ADAMTS2: variants seen among roughly 807,000 people sequenced by gnomAD.
ADAMTS2 encodes the protein A disintegrin and metalloproteinase with thrombospondin motifs 2.
Under a neutral mutation model 123.0 loss-of-function variants are expected in ADAMTS2, and 50 were observed. The observed-to-expected ratio is 0.41, with a 90% confidence interval of 0.32 to 0.51. ADAMTS2 has a LOEUF of 0.51. Among genes scored for constraint, ADAMTS2 ranks in the 20% least tolerant of loss-of-function variants. The pLI is 0.35. For missense variants in ADAMTS2, 1,494 were observed against 1,705.2 expected (o/e 0.88, Z 2.18); for synonymous variants, 678 against 695.4 (o/e 0.98, Z 0.39).
At chr5:179,252,014 T>C (rs982326160) in intron 3 of ADAMTS2, among the ~76,000 whole-genome samples, 8 of 150,696 alleles carry the variant, frequency 5.3e-5, no homozygotes, top group African/African-American at 9.8e-5. Context: ...CTTTTCTTTT[T>C]TTTTTTTTTT....
chr5:179,299,530 A>AACGCACACACACAC (rs1756449438), intron 2 of ADAMTS2, among the ~76,000 whole-genome samples: 1 of 120,440 alleles, frequency 8.3e-6, no homozygotes, highest in Admixed American at 8.9e-5. Flanking sequence ...CTCCAACTCA[A>AACGCACACACACAC]ACACACACAC....
intron 4 of ADAMTS2, among the ~76,000 whole-genome samples, chr5:179,184,179 C>T (rs980588965): frequency 6.6e-6 from 1 of 152,146 alleles, no homozygotes; most frequent in African/African-American, 2.4e-5. Context: ...TATCCTGGGG[C>T]TGAGTGCCCG....
intron 4 of ADAMTS2, among the ~76,000 whole-genome samples, chr5:179,184,510 A>C (rs1326381400): frequency 1.5e-3 from 135 of 90,032 alleles, no homozygotes; most frequent in African/African-American, 5.7e-3. Context: ...GACTCTGTCT[A>C]AAAAAAAAAA....
At chr5:179,123,582 C>T (rs756197472) in intron 19 of ADAMTS2, among the ~76,000 whole-genome samples, 1 of 152,202 alleles carries the variant, frequency 6.6e-6, no homozygotes, top group Non-Finnish European at 1.5e-5. Flanking sequence ...CACGCCACCA[C>T]ATCTGGCTAA....
intron 2 of ADAMTS2, among the ~76,000 whole-genome samples, chr5:179,289,448 C>T (rs1756124517): frequency 6.6e-6 from 1 of 152,102 alleles, no homozygotes; most frequent in Non-Finnish European, 1.5e-5. Flanking sequence ...GTAGTAAACC[C>T]CATCGGCAAC....
chr5:179,144,617 T>G (rs1763224048), intron 10 of ADAMTS2, among the ~76,000 whole-genome samples: 2 of 152,244 alleles, frequency 1.3e-5, no homozygotes, highest in African/African-American at 4.8e-5. Flanking sequence ...TTACATTTGA[T>G]AAGTTAAACT....
At chr5:179,237,350 T>C (rs777541662) in intron 3 of ADAMTS2, among the ~76,000 whole-genome samples, 3 of 152,196 alleles carry the variant, frequency 2.0e-5, no homozygotes, top group Non-Finnish European at 2.9e-5. Flanking sequence ...GAAGACAAAG[T>C]GCAAGAAGGT....
At chr5:179,281,476 A>AAG in intron 2 of ADAMTS2, among the ~76,000 whole-genome samples, 2 of 152,350 alleles carry the variant, frequency 1.3e-5, no homozygotes, top group East Asian at 3.8e-4. Context: ...TCCTTCACTT[A>AAG]GTATGTTTTC....
In ADAMTS2 at chr5:179,113,425, G is replaced by A. The variant is rs1030970600; in HGVS notation, c.*442C>T. 4.2e-6 allele frequency: 1 copy of A among 236,226 alleles called. No individual in the cohort carries two copies. Among genetic ancestry groups the A allele is most frequent in the African/African-American group, 2.2e-5 (1 of 44,482 alleles). 14.6% of individuals were successfully genotyped at this position (236,226 alleles called of 1,614,324 possible). A position where few individuals can be genotyped will look rare whatever the true frequency, so the allele number is the denominator to read the frequency against. On this transcript the variant is annotated 3_prime_UTR_variant, in exon 22 of 22. Coordinates refer to ENST00000251582, the MANE Select transcript of ADAMTS2 (RefSeq NM_014244.5). ...TTCATTGTACTCATCTCGGCAACGG[G>A]TCAGTTATTCAGTAAATCACCATTT... is the stretch of plus-strand genomic sequence containing the variant.
chr5:179,193,800 C>T (rs1305586325), intron 4 of ADAMTS2, among the ~76,000 whole-genome samples: 1 of 152,226 alleles, frequency 6.6e-6, no homozygotes, highest in African/African-American at 2.4e-5. Flanking sequence ...GAGTCCCTAA[C>T]CCTGCTGAGA....
At chr5:179,235,902 AG>A (rs1446571598) in intron 3 of ADAMTS2, among the ~76,000 whole-genome samples, 3 of 152,156 alleles carry the variant, frequency 2.0e-5, no homozygotes, top group African/African-American at 7.2e-5. Flanking sequence ...GTGCCTTCCC[AG>A]ACACCCTGCA....
chr5:179,184,442 C>T (rs1376792202), intron 4 of ADAMTS2, among the ~76,000 whole-genome samples: 11 of 140,828 alleles, frequency 7.8e-5, no homozygotes, highest in African/African-American at 2.7e-4. Flanking sequence ...ACCCAGGAGG[C>T]GGAGGTTGCA....
chr5:179,238,980 G>A (rs1196033786), intron 3 of ADAMTS2, among the ~76,000 whole-genome samples: 1 of 152,194 alleles, frequency 6.6e-6, no homozygotes, highest in Admixed American at 6.5e-5. Context: ...GAAGGTGGTG[G>A]GGGAGGAAGG....
rs188566209 is a variant in ADAMTS2, at chr5:179,130,097, G to A, written c.2292C>T (p.Ala764=). The change falls in exon 16 of 22, where the codon GCC becomes GCT. Residue 764 remains alanine (A), a splice_region_variant and synonymous_variant. Transcript: ENST00000251582. This position sits in a 1 kb window ranked among gnomAD's most constrained non-coding sequence, Gnocchi z 4.3. ...QEVDATSHHL[A]VKNLETGKFI... is the part of the protein sequence containing the mutation. ...ACTTGCCTGTCTCCAGGTTCTTGAC[G>A]GCTGAGAATGGCAAGACCAAGTCCC... is the stretch of plus-strand genomic sequence containing the variant. 345 of 1,613,890 alleles carry A rather than the reference G, an allele frequency of 2.1e-4. No homozygotes were observed. The highest frequency in any genetic ancestry group is 2.5e-4 in the Non-Finnish European group (298 of 1,180,038).
At chr5:179,161,970 G>A (rs1408663133) in intron 5 of ADAMTS2, among the ~76,000 whole-genome samples, 1 of 152,162 alleles carries the variant, frequency 6.6e-6, no homozygotes, top group Non-Finnish European at 1.5e-5. Flanking sequence ...TGGTGGCAGG[G>A]CCCCTGCTGC....
At chr5:179,270,124 C>T (rs907643179) in intron 3 of ADAMTS2, among the ~76,000 whole-genome samples, 1 of 152,224 alleles carries the variant, frequency 6.6e-6, no homozygotes, top group Non-Finnish European at 1.5e-5. Flanking sequence ...CTATCCGTTT[C>T]CCCCAGGCAA....
Position 179,199,418 on chromosome 5 carries a change from G to A in ADAMTS2, c.891+8095C>T, listed in dbSNP as rs1163992085. On this transcript the variant is annotated intron_variant, in intron 4 of 21. Transcript: ENST00000251582. ...TCTGGTGGATGGCTGGCCAGAGCCC[G>A]TGTTTCGGCAGAGGTGAACCTCCCG... Among the ~76,000 whole-genome samples, 8 of 152,346 alleles carry A rather than the reference G, an allele frequency of 5.3e-5. No individual in the cohort carries two copies. In the East Asian group the frequency reaches 7.7e-4, roughly 15 times the overall value.
At chr5:179,221,970 C>A (rs368542593) in intron 3 of ADAMTS2, among the ~76,000 whole-genome samples, 1 of 152,210 alleles carries the variant, frequency 6.6e-6, no homozygotes. Context: ...TTCTCTCAGA[C>A]CTGCCTCTCC....
intron 13 of ADAMTS2, among the ~76,000 whole-genome samples, 161 bp from the exon 14 acceptor site, chr5:179,133,061 AT>A (rs1177810863): frequency 6.6e-6 from 1 of 150,458 alleles, no homozygotes; most frequent in African/African-American, 2.4e-5. Context: ...GCCTGGCCTC[AT>A]CTTTTATTAT....
Sources: allele counts gnomAD v4.1 joint callset (sites outside exome capture counted in the v4.1 genomes callset), GRCh38; gene constraint gnomAD v4.1.1; non-coding constraint Gnocchi (gnomAD v3.1); transcripts MANE v1.5; gene names NCBI Gene and HGNC (gene_info 2026-07-23, HGNC 2026-07-21).